The following ULK4 variants were observed in gnomAD, a reference collection of about 807,000 sequenced individuals.
ULK4 encodes unc-51 like kinase 4.
ULK4 carries 133 observed loss-of-function variants against 160.6 expected under a neutral mutation model. That is an observed-to-expected ratio of 0.83 (90% CI 0.72 to 0.96). The LOEUF (loss-of-function observed/expected upper bound fraction) is 0.96, where lower values mean the gene tolerates loss of function less well. Ranked by LOEUF, ULK4 falls within the 40% of genes least tolerant of loss-of-function variation. The pLI is 0.00. For synonymous variants in ULK4, 534 were observed against 539.8 expected (o/e 0.99, Z 0.15); for missense variants, 1,580 against 1,499.5 (o/e 1.05, Z -0.89).
intron 29 of ULK4, among the ~76,000 whole-genome samples, chr3:41,677,489 A>G (rs2035763026): frequency 6.6e-6 from 1 of 151,666 alleles, no homozygotes; most frequent in African/African-American, 2.4e-5. Context: ...CTGCCATCAC[A>G]CCCAGCTAAT....
chr3:41,946,921 C>A (rs941988600), intron 2 of ULK4, among the ~76,000 whole-genome samples: 2 of 152,064 alleles, frequency 1.3e-5, no homozygotes, highest in African/African-American at 4.8e-5. Context: ...TTAGTCACCC[C>A]CCTGAATTAA....
chr3:41,677,460 T>C (rs1269105053), intron 29 of ULK4, among the ~76,000 whole-genome samples: 1 of 151,494 alleles, frequency 6.6e-6, no homozygotes, highest in Non-Finnish European at 1.5e-5. Context: ...GCCTCCCGAG[T>C]AGCTAGGACT....
At chr3:41,251,276 A>G (rs764339855) in intron 35 of ULK4, among the ~76,000 whole-genome samples, 1 of 152,242 alleles carries the variant, frequency 6.6e-6, no homozygotes, top group Non-Finnish European at 1.5e-5. Context: ...ACTCTTATTC[A>G]TAACATCAGC....
intron 17 of ULK4, among the ~76,000 whole-genome samples, chr3:41,844,232 G>A (rs540950269): frequency 2.0e-3 from 310 of 152,240 alleles, no homozygotes; most frequent in African/African-American, 7.1e-3. Flanking sequence ...GGCGCTCGCT[G>A]GGGAGACTCG....
chr3:41,506,767 A>AAAAAAAAAAAAAAAAAAAAAAAAAATAT, intron 32 of ULK4, among the ~76,000 whole-genome samples: 8 of 56,792 alleles, frequency 1.4e-4, no homozygotes, highest in Non-Finnish European at 1.9e-4. Context: ...TGTGATTTAA[A>AAAAAAAAAAAAAAAAAAAAAAAAAATAT]ATATATATAT....
chr3:41,702,511 T>A (rs956876610), intron 27 of ULK4, among the ~76,000 whole-genome samples: 2 of 152,142 alleles, frequency 1.3e-5, no homozygotes, highest in South Asian at 4.1e-4. Context: ...TAAAAGTAGA[T>A]GTCTGAAGGA....
chr3:41,637,102 C>CA (rs2033988063), intron 30 of ULK4, among the ~76,000 whole-genome samples: 1 of 152,092 alleles, frequency 6.6e-6, no homozygotes, highest in African/African-American at 2.4e-5. Context: ...CACCAATTTT[C>CA]AAAAATATAA....
intron 35 of ULK4, among the ~76,000 whole-genome samples, chr3:41,265,986 CCA>C (rs1183487780): frequency 1.3e-5 from 2 of 152,154 alleles, no homozygotes; most frequent in Non-Finnish European, 2.9e-5. Context: ...AATCAGAGGA[CCA>C]CACAGGACCC....
chr3:41,922,046 C>T (rs1040381881), intron 5 of ULK4, among the ~76,000 whole-genome samples: 2 of 149,424 alleles, frequency 1.3e-5, no homozygotes, highest in Non-Finnish European at 3.0e-5. Flanking sequence ...CCAGCTACTC[C>T]GGAGGCTGAG....
At position 41,776,512 on chromosome 3, in the gene ULK4, T is replaced by C. The variant is rs1242931399; in HGVS notation, c.2193+13149A>G. Among the ~76,000 whole-genome samples the C allele has an allele frequency of 3.3e-5, 5 of 150,912 alleles. 1 individual carries two copies. Among genetic ancestry groups the C allele is most frequent in the African/African-American group, 1.2e-4 (5 of 40,238 alleles). ...TACAGTCACACTACAAAGTACTAATTTCAAAAAAGATGAACATTTCTATAA... is the reference window on the plus strand; with the variant it reads ...TACAGTCACACTACAAAGTACTAATCTCAAAAAAGATGAACATTTCTATAA... On this transcript the variant is annotated intron_variant, in intron 21 of 36. Coordinates refer to ENST00000301831, the MANE Select transcript of ULK4 (RefSeq NM_017886.4).
chr3:41,438,350 C>A (rs956857059), intron 34 of ULK4, among the ~76,000 whole-genome samples: 10 of 152,110 alleles, frequency 6.6e-5, no homozygotes, highest in African/African-American at 2.4e-4. Flanking sequence ...TTATTGAGAG[C>A]GTGCTATGGT....
At chr3:41,896,454 A>C (rs1385564685) in intron 15 of ULK4, among the ~76,000 whole-genome samples, 1 of 152,080 alleles carries the variant, frequency 6.6e-6, no homozygotes, top group Non-Finnish European at 1.5e-5. Flanking sequence ...GGGTTTCACC[A>C]TGTTGGCCAG....
At chr3:41,267,287 G>C (rs2079057533) in intron 35 of ULK4, among the ~76,000 whole-genome samples, 1 of 152,020 alleles carries the variant, frequency 6.6e-6, no homozygotes, top group Non-Finnish European at 1.5e-5. Context: ...TCCTGTGTTA[G>C]TTTGCTGAGG....
chr3:41,910,223 G>A (rs13088394), intron 11 of ULK4, among the ~76,000 whole-genome samples: 104,727 of 152,104 alleles, frequency 0.69, 39,445 homozygotes, highest in East Asian at 0.83. Flanking sequence ...TAATGCATTG[G>A]TCCTAATTAC....
rs186380833 is a variant in ULK4, at chr3:41,828,100, C to T, written c.1764+7764G>A. 2.7e-3 allele frequency among the ~76,000 whole-genome samples: 367 copies of T among 137,562 alleles called. 2 individuals are homozygous for T. The highest frequency in any genetic ancestry group is 0.011 in the African/African-American group (327 of 30,164). 90.2% of individuals were successfully genotyped at this position (137,562 alleles called of 152,430 possible). On this transcript the variant is annotated intron_variant, in intron 18 of 36. Coordinates refer to ENST00000301831, the MANE Select transcript of ULK4 (RefSeq NM_017886.4). ...AAAGGCCTTTGACAAAATTCAACAG[C>T]CCTTCATGCTAAAAACTCTCAAAAA...
At chr3:41,773,355 T>C (rs927531499) in intron 21 of ULK4, among the ~76,000 whole-genome samples, 10 of 152,216 alleles carry the variant, frequency 6.6e-5, no homozygotes, top group African/African-American at 2.4e-4. Flanking sequence ...CTTAAGCTGA[T>C]AAGCAACTTC....
intron 30 of ULK4, among the ~76,000 whole-genome samples, chr3:41,628,862 T>A (rs1241362034): frequency 4.6e-5 from 7 of 152,300 alleles, no homozygotes; most frequent in African/African-American, 1.7e-4. Context: ...AGGTTAAAAT[T>A]ATTTGAAAGT....
At chr3:41,521,312 C>G (rs1478970218) in intron 32 of ULK4, among the ~76,000 whole-genome samples, 1 of 152,164 alleles carries the variant, frequency 6.6e-6, no homozygotes, top group East Asian at 1.9e-4. Flanking sequence ...ATTTCCATCT[C>G]CCAGGTCTCA....
At chr3:41,914,216 A>G (rs1181334206) in intron 8 of ULK4, among the ~76,000 whole-genome samples, 1 of 152,272 alleles carries the variant, frequency 6.6e-6, no homozygotes, top group Non-Finnish European at 1.5e-5. Context: ...AAAAGAATTT[A>G]TAGTCGACTA....
Sources: allele counts gnomAD v4.1 joint callset (sites outside exome capture counted in the v4.1 genomes callset), GRCh38; gene constraint gnomAD v4.1.1; transcripts MANE v1.5; gene names NCBI Gene and HGNC (gene_info 2026-07-23, HGNC 2026-07-21).